SNTG1: variants seen among roughly 807,000 people sequenced by gnomAD.
SNTG1 encodes syntrophin gamma 1.
Under a neutral mutation model 74.7 loss-of-function variants are expected in SNTG1, and 39 were observed. The observed-to-expected ratio is 0.52, with a 90% CI of 0.40 to 0.68. The LOEUF is 0.68. Ranked by LOEUF, SNTG1 falls within the 30% of genes least tolerant of loss-of-function variation. SNTG1 has a pLI of 0.00. For synonymous variants in SNTG1, 254 were observed against 217.1 expected, an observed-to-expected ratio of 1.17 and a Z score of -1.49; for missense variants, 685 against 609.5, an observed-to-expected ratio of 1.12 and a Z score of -1.30.
intron 1 of SNTG1, among the ~76,000 whole-genome samples, chr8:49,923,650 TAACTGC>T (rs1480102184): frequency 1.1e-4 from 17 of 151,898 alleles, no homozygotes; most frequent in Admixed American, 1.1e-3. Flanking sequence ...GACTATATTA[TAACTGC>T]TCCTAATGAA....
intron 2 of SNTG1, among the ~76,000 whole-genome samples, chr8:50,265,179 G>A (rs2087401293): frequency 6.6e-6 from 1 of 151,860 alleles, no homozygotes; most frequent in Admixed American, 6.6e-5. Flanking sequence ...ACAACACAAA[G>A]AAATAAAATT....
intron 1 of SNTG1, among the ~76,000 whole-genome samples, chr8:50,160,092 G>T (rs16914346): frequency 0.28 from 42,073 of 151,996 alleles, 5,927 homozygotes; most frequent in Middle Eastern, 0.4. Flanking sequence ...GTGTTTGTTG[G>T]TTTTTCTAAT....
chr8:50,589,140 T>G (rs1226818334), intron 12 of SNTG1, among the ~76,000 whole-genome samples: 1 of 152,160 alleles, frequency 6.6e-6, no homozygotes, highest in Admixed American at 6.5e-5. Flanking sequence ...ACCATACATT[T>G]TATTATTTTA....
intron 1 of SNTG1, among the ~76,000 whole-genome samples, chr8:50,094,566 A>T (rs748183363): frequency 2.6e-5 from 4 of 152,220 alleles, no homozygotes; most frequent in Non-Finnish European, 5.9e-5. Context: ...CATGTGGCCA[A>T]TAAGCATATG....
intron 9 of SNTG1, among the ~76,000 whole-genome samples, chr8:50,512,795 G>T (rs547012402): frequency 9.7e-4 from 148 of 152,094 alleles, no homozygotes; most frequent in African/African-American, 1.7e-3. Context: ...CTCTGCATTG[G>T]TTATTTTAGT....
chr8:50,448,017 C>T (rs1248558327), intron 5 of SNTG1, among the ~76,000 whole-genome samples: 1 of 152,156 alleles, frequency 6.6e-6, no homozygotes, highest in Non-Finnish European at 1.5e-5. Context: ...ACCACACTGT[C>T]AGCCACAAAT....
chr8:50,070,332 C>T (rs978913945), intron 1 of SNTG1, among the ~76,000 whole-genome samples: 5 of 151,996 alleles, frequency 3.3e-5, no homozygotes, highest in Non-Finnish European at 5.9e-5. Flanking sequence ...AAAAAAATAG[C>T]TTTTCTTTTG....
chr8:50,079,673 C>A (rs1002329805), intron 1 of SNTG1, among the ~76,000 whole-genome samples: 1 of 152,096 alleles, frequency 6.6e-6, no homozygotes, highest in Non-Finnish European at 1.5e-5. Flanking sequence ...CCTAGGTTTT[C>A]TTCTACAGTT....
chr8:50,386,922 G>T (rs73579285), intron 2 of SNTG1, among the ~76,000 whole-genome samples: 4,438 of 152,152 alleles, frequency 0.029, 219 homozygotes, highest in African/African-American at 0.1. Context: ...AGGGGCTCTG[G>T]TTCTACAAAC....
At chr8:50,703,211 G>T (rs1448466054) in intron 15 of SNTG1, among the ~76,000 whole-genome samples, 1 of 152,032 alleles carries the variant, frequency 6.6e-6, no homozygotes, top group African/African-American at 2.4e-5. Flanking sequence ...TTGTAGAAGT[G>T]CTTAGCTTAA....
chr8:50,264,421 T>A (rs2087349136), intron 2 of SNTG1, among the ~76,000 whole-genome samples: 1 of 151,444 alleles, frequency 6.6e-6, no homozygotes, highest in South Asian at 2.1e-4. Flanking sequence ...TACAAAAAAA[T>A]TAATTGCATG....
chr8:50,652,883 C>T (rs2095156841), intron 13 of SNTG1, among the ~76,000 whole-genome samples: 1 of 151,652 alleles, frequency 6.6e-6, no homozygotes, highest in Non-Finnish European at 1.5e-5. Context: ...ATTATTATGT[C>T]TTTTTGATAG....
chr8:50,652,132 T>C (rs1024039402), intron 13 of SNTG1, among the ~76,000 whole-genome samples: 6 of 152,184 alleles, frequency 3.9e-5, no homozygotes, highest in Admixed American at 3.3e-4. Context: ...TATTCTAATT[T>C]TTTGTGAATA....
chr8:50,289,912 A>T (rs536908007), intron 2 of SNTG1, among the ~76,000 whole-genome samples: 1 of 152,304 alleles, frequency 6.6e-6, no homozygotes, highest in African/African-American at 2.4e-5. Context: ...GAATGTACAC[A>T]TAGTAGGCTT....
chr8:50,446,514 T>C (rs2131604900), intron 5 of SNTG1, among the ~76,000 whole-genome samples: 1 of 151,934 alleles, frequency 6.6e-6, no homozygotes, highest in Admixed American at 6.6e-5. Context: ...ATCCCATCTC[T>C]ACAAAAATAC....
chr8:49,936,171 G>T (rs1029159596), intron 1 of SNTG1, among the ~76,000 whole-genome samples: 6 of 152,190 alleles, frequency 3.9e-5, no homozygotes, highest in Non-Finnish European at 8.8e-5. Flanking sequence ...AATTTAAAGG[G>T]CTTAGTGCAG....
rs770932161 is a variant in SNTG1, at chr8:50,536,707, G to T, written c.579G>T (p.Thr193=). 3.1e-6 allele frequency: 5 copies of T among 1,613,752 alleles called. No individual in the cohort carries two copies. The highest frequency in any genetic ancestry group is 1.1e-5 in the South Asian group (1 of 91,058). Residue 193 remains threonine (T), a synonymous_variant, in exon 11 of 19, where the codon ACG becomes ACT. Coordinates refer to ENST00000642720, the MANE Select transcript of SNTG1 (RefSeq NM_018967.5). ...CATTATCATGCTCGTCGTGGCCGAC[G>T]TCTCCAGGCTTGAGGTGGGAGAAGC... The part of the protein sequence containing the change: ...TDTLSCSSWP[T]SPGLRWEKRW...
intron 1 of SNTG1, among the ~76,000 whole-genome samples, chr8:50,070,299 C>T (rs781717903): frequency 1.1e-4 from 17 of 152,102 alleles, no homozygotes; most frequent in Non-Finnish European, 2.2e-4. Context: ...AAAAATTGTT[C>T]ATTATTGTGG....
chr8:50,005,824 T>C (rs1815169002), intron 1 of SNTG1, among the ~76,000 whole-genome samples: 1 of 152,046 alleles, frequency 6.6e-6, no homozygotes, highest in African/African-American at 2.4e-5. Flanking sequence ...TTCTCTCTAC[T>C]GTTTCCAATG....
Sources: allele counts gnomAD v4.1 joint callset (sites outside exome capture counted in the v4.1 genomes callset), GRCh38; gene constraint gnomAD v4.1.1; transcripts MANE v1.5; gene names NCBI Gene and HGNC (gene_info 2026-07-23, HGNC 2026-07-21).